ANTXRL: variants seen among roughly 807,000 people sequenced by gnomAD.
The protein encoded by ANTXRL is ANTXR like.
Under a neutral mutation model 75.4 loss-of-function variants are expected in ANTXRL, and 63 were observed. That is an observed-to-expected ratio of 0.84 (90% CI 0.68 to 1.03). ANTXRL has a LOEUF of 1.03. Ranked by LOEUF, ANTXRL falls within the 50% of genes least tolerant of loss-of-function variation. The pLI is 0.00. For synonymous variants in ANTXRL, 335 were observed against 291.3 expected, an observed-to-expected ratio of 1.15 and a Z score of -1.53; for missense variants, 797 against 789.4, an observed-to-expected ratio of 1.01 and a Z score of -0.12.
At chr10:46,318,661 A>G (rs1361228336) in intron 16 of ANTXRL, among the ~76,000 whole-genome samples, 1 of 152,170 alleles carries the variant, frequency 6.6e-6, no homozygotes, top group Non-Finnish European at 1.5e-5. Context: ...AATCGAGCAA[A>G]CAATAAATAG....
chr10:46,294,764 G>A (rs74129842), intron 3 of ANTXRL, among the ~76,000 whole-genome samples: 8,366 of 152,118 alleles, frequency 0.055, 613 homozygotes, highest in East Asian at 0.19. Context: ...TTTGGGCATG[G>A]CCAGAGGAAG....
intron 1 of ANTXRL, among the ~76,000 whole-genome samples, chr10:46,291,500 ATTG>A (rs200942898): frequency 0.015 from 2,209 of 152,130 alleles, 24 homozygotes; most frequent in South Asian, 0.059. Context: ...TACAGATTAC[ATTG>A]TTATCTTAAC....
chr10:46,307,815 T>C (rs1468073684), intron 12 of ANTXRL, among the ~76,000 whole-genome samples: 1 of 152,172 alleles, frequency 6.6e-6, no homozygotes, highest in Non-Finnish European at 1.5e-5. Flanking sequence ...CCCTGGCCCC[T>C]GAGCCTGCCT....
At chr10:46,312,225 G>A (rs1320217368) in intron 15 of ANTXRL, among the ~76,000 whole-genome samples, 2 of 151,646 alleles carry the variant, frequency 1.3e-5, no homozygotes, top group African/African-American at 4.8e-5. Flanking sequence ...GCTGAGATGG[G>A]CTGACAGGTG....
chr10:46,291,468 A>G (rs1554956460), intron 1 of ANTXRL, among the ~76,000 whole-genome samples: 1 of 151,924 alleles, frequency 6.6e-6, no homozygotes, highest in East Asian at 1.9e-4. Flanking sequence ...TATTTCTGCA[A>G]AAAATGCTGT....
At chr10:46,321,773 A>G (rs1466681050) in intron 16 of ANTXRL, among the ~76,000 whole-genome samples, 2 of 152,154 alleles carry the variant, frequency 1.3e-5, no homozygotes, top group Admixed American at 6.6e-5. Flanking sequence ...TACTAGGGGC[A>G]TATGCTTTCC....
At chr10:46,306,698 C>T (rs1360896814) in intron 10 of ANTXRL, 105 bp from the exon 11 acceptor site, 1 of 978,794 alleles carries the variant, frequency 1.0e-6, no homozygotes, top group Non-Finnish European at 1.4e-6. Flanking sequence ...AGCCCACATG[C>T]CGGTCCTGGG....
intron 16 of ANTXRL, among the ~76,000 whole-genome samples, chr10:46,320,474 G>A (rs1233525164): frequency 6.6e-6 from 1 of 152,276 alleles, no homozygotes; most frequent in South Asian, 2.1e-4. Context: ...ACTCACTCCT[G>A]TAATCCCAAC....
At chr10:46,324,382 C>T (rs1340206696) in intron 16 of ANTXRL, among the ~76,000 whole-genome samples, 4 of 152,072 alleles carry the variant, frequency 2.6e-5, no homozygotes, top group Admixed American at 6.6e-5. Context: ...TCAGTGGGTA[C>T]GTTAGGTAAT....
chr10:46,317,717 G>GCACA (rs112715634), intron 16 of ANTXRL, among the ~76,000 whole-genome samples: 13 of 150,788 alleles, frequency 8.6e-5, no homozygotes, highest in African/African-American at 3.2e-4. Context: ...CAAAACACAT[G>GCACA]CACACACACA....
At chr10:46,300,642 C>G (rs1407629349) in intron 9 of ANTXRL, among the ~76,000 whole-genome samples, 1 of 152,062 alleles carries the variant, frequency 6.6e-6, no homozygotes, top group Non-Finnish European at 1.5e-5. Context: ...CAAGCCTTGC[C>G]TCACCTTGAA....
chr10:46,297,245 T>C lies in ANTXRL; in HGVS notation c.509-7T>C, dbSNP rs1256966763. ...GCTGAGCAGGCCACTCTTTGCTTCT[T>C]CTACAGACAAGGTTCCCAGCATGAT... On this transcript the variant is annotated splice_polypyrimidine_tract_variant and splice_region_variant and intron_variant, in intron 5 of 16. Transcript: ENST00000620264. 6.5e-7 allele frequency: 1 copy of C among 1,536,060 alleles called. No homozygotes were observed. The highest frequency in any genetic ancestry group is 8.7e-7 in the Non-Finnish European group (1 of 1,146,690).
intron 2 of ANTXRL, among the ~76,000 whole-genome samples, chr10:46,292,482 G>T (rs1377673940): frequency 7.2e-5 from 11 of 152,150 alleles, no homozygotes; most frequent in Admixed American, 5.9e-4. Context: ...TCCGTGGAAG[G>T]TTAAAGGAAA....
intron 1 of ANTXRL, among the ~76,000 whole-genome samples, chr10:46,290,045 CTT>C (rs34276033): frequency 0.038 from 4,524 of 119,482 alleles, 51 homozygotes; most frequent in Admixed American, 0.056. Context: ...TTTTCTTTAT[CTT>C]TTTTTTTTTT....
intron 16 of ANTXRL, among the ~76,000 whole-genome samples, chr10:46,314,909 T>C (rs1565045984): frequency 6.6e-6 from 1 of 152,104 alleles, no homozygotes; most frequent in Non-Finnish European, 1.5e-5. Flanking sequence ...AGCTGTGGCT[T>C]GTAGACCTAG....
At position 46,292,172 on chromosome 10, in the gene ANTXRL, C is replaced by T. The variant is rs566226192; in HGVS notation, c.320+43C>T. 2.6e-6 allele frequency: 4 copies of T among 1,529,002 alleles called. No homozygotes were observed. In the African/African-American group the frequency reaches 4.1e-5, roughly 16 times the overall value. 94.7% of individuals were successfully genotyped at this position (1,529,002 alleles called of 1,614,324 possible). A position where few individuals can be genotyped will look rare whatever the true frequency, so the allele number is the denominator to read the frequency against. On this transcript the variant is annotated intron_variant, in intron 2 of 16. Transcript: ENST00000620264. Reference sequence around the variant, plus strand: ...GCAGCCTCCCCTGAGCTGCAGAGAGCTTTTCTTCTGGAAGGCAGGCAGAGG... The same window carrying T: ...GCAGCCTCCCCTGAGCTGCAGAGAGTTTTTCTTCTGGAAGGCAGGCAGAGG...
At chr10:46,292,653 G>A (rs1837043658) in intron 2 of ANTXRL, among the ~76,000 whole-genome samples, 1 of 152,078 alleles carries the variant, frequency 6.6e-6, no homozygotes, top group Non-Finnish European at 1.5e-5. Flanking sequence ...AGAGGGCTGG[G>A]CAGGTCAGCT....
At chr10:46,292,225 G>C in intron 2 of ANTXRL, 96 bp downstream of exon 2, 2 of 1,205,376 alleles carry the variant, frequency 1.7e-6, no homozygotes, top group African/African-American at 3.0e-5. Context: ...GGGTGGGCGT[G>C]GGAGTCCTTC....
intron 16 of ANTXRL, among the ~76,000 whole-genome samples, chr10:46,323,557 T>C (rs1214623312): frequency 6.6e-6 from 1 of 152,182 alleles, no homozygotes; most frequent in Non-Finnish European, 1.5e-5. Flanking sequence ...ACTTGTGAAT[T>C]GAGTTCATTC....
Sources: allele counts gnomAD v4.1 joint callset (sites outside exome capture counted in the v4.1 genomes callset), GRCh38; gene constraint gnomAD v4.1.1; transcripts MANE v1.5; gene names NCBI Gene and HGNC (gene_info 2026-07-23, HGNC 2026-07-21).